Variants in LSAMP observed in about 807,000 individuals in gnomAD.
LSAMP encodes the protein limbic system-associated membrane protein.
A neutral mutation model predicts 38.6 loss-of-function variants in LSAMP; 7 were observed. That is an observed-to-expected ratio of 0.18 (90% confidence interval 0.10 to 0.34). The LOEUF is 0.34. Among genes scored for constraint, LSAMP ranks in the 10% least tolerant of loss-of-function variants. The pLI is 1.00. For missense variants in LSAMP, 313 were observed against 420.0 expected (o/e 0.75, Z 2.23); for synonymous variants, 154 against 166.8 (o/e 0.92, Z 0.59).
chr3:116,244,824 C>T (rs1576456507), intron 1 of LSAMP, among the ~76,000 whole-genome samples: 1 of 152,138 alleles, frequency 6.6e-6, no homozygotes, highest in Non-Finnish European at 1.5e-5. Context: ...CAGTCAGTAA[C>T]TGAATTTTGT....
At chr3:116,191,050 T>C (rs1330157470) in intron 1 of LSAMP, among the ~76,000 whole-genome samples, 1 of 152,152 alleles carries the variant, frequency 6.6e-6, no homozygotes, top group Non-Finnish European at 1.5e-5. Flanking sequence ...AAATTAGCTG[T>C]ATTGCTACTA....
chr3:116,187,773 A>G (rs1378384858), intron 1 of LSAMP, among the ~76,000 whole-genome samples: 1 of 152,114 alleles, frequency 6.6e-6, no homozygotes, highest in Non-Finnish European at 1.5e-5. Flanking sequence ...AGAAGGGATA[A>G]TCTTCCCTTT....
chr3:116,178,599 C>T (rs998082207), intron 1 of LSAMP, among the ~76,000 whole-genome samples: 1 of 152,004 alleles, frequency 6.6e-6, no homozygotes, highest in Non-Finnish European at 1.5e-5. Flanking sequence ...ACTATGAATG[C>T]TAAGAAGGAC....
intron 2 of LSAMP, among the ~76,000 whole-genome samples, chr3:116,075,697 C>T (rs1707726568): frequency 6.6e-6 from 1 of 151,696 alleles, no homozygotes; most frequent in Admixed American, 6.6e-5. Context: ...CACGCCACCA[C>T]ACCCGGCTAA....
intron 2 of LSAMP, among the ~76,000 whole-genome samples, chr3:116,073,146 C>T (rs536698729): frequency 7.2e-5 from 11 of 152,114 alleles, no homozygotes; most frequent in South Asian, 2.1e-4. Context: ...TCTCCTAGAA[C>T]GATTTATTAA....
At chr3:116,272,406 T>C (rs995565172) in intron 1 of LSAMP, among the ~76,000 whole-genome samples, 2 of 152,182 alleles carry the variant, frequency 1.3e-5, no homozygotes, top group African/African-American at 4.8e-5. Flanking sequence ...AAAGGCCATC[T>C]TATTGCACTT....
At chr3:115,920,554 T>A (rs2107522493) in intron 3 of LSAMP, among the ~76,000 whole-genome samples, 1 of 152,244 alleles carries the variant, frequency 6.6e-6, no homozygotes, top group African/African-American at 2.4e-5. Flanking sequence ...TTAGATCAGG[T>A]TTTTTGTTAT....
chr3:116,078,891 T>C (rs1484231516), intron 2 of LSAMP, among the ~76,000 whole-genome samples: 2 of 152,234 alleles, frequency 1.3e-5, no homozygotes, highest in Middle Eastern at 3.4e-3. Flanking sequence ...TTTTAGTGAA[T>C]AGTTATATTT....
At chr3:116,161,716 T>C (rs1709890883) in intron 1 of LSAMP, among the ~76,000 whole-genome samples, 1 of 152,102 alleles carries the variant, frequency 6.6e-6, no homozygotes, top group South Asian at 2.1e-4. Flanking sequence ...TGCCAATAAA[T>C]ATTCTAAATC....
At chr3:116,336,195 G>C (rs987698028) in intron 1 of LSAMP, among the ~76,000 whole-genome samples, 4 of 151,908 alleles carry the variant, frequency 2.6e-5, no homozygotes, top group African/African-American at 4.8e-5. Context: ...CACAACATTG[G>C]ATTTGGCAAT....
chr3:116,067,048 G>C (rs1278918321), intron 2 of LSAMP, among the ~76,000 whole-genome samples: 1 of 152,136 alleles, frequency 6.6e-6, no homozygotes, highest in Admixed American at 6.6e-5. Flanking sequence ...TAGCAGAGCA[G>C]TTCTTACCTT....
intron 1 of LSAMP, among the ~76,000 whole-genome samples, chr3:116,249,373 CTAG>C: frequency 7.3e-6 from 1 of 136,496 alleles, no homozygotes; most frequent in Middle Eastern, 3.8e-3. Context: ...GCTTTGGAGA[CTAG>C]TAGAAGATTC....
chr3:116,294,692 T>C (rs1432922003), intron 1 of LSAMP, among the ~76,000 whole-genome samples: 2 of 152,236 alleles, frequency 1.3e-5, no homozygotes, highest in African/African-American at 2.4e-5. Flanking sequence ...AGAAATGTTA[T>C]GAAGCTAAAA....
At chr3:116,185,566 G>T (rs933481360) in intron 1 of LSAMP, among the ~76,000 whole-genome samples, 2 of 151,966 alleles carry the variant, frequency 1.3e-5, no homozygotes, top group Non-Finnish European at 2.9e-5. Context: ...TGTACAAGAT[G>T]TCCCTTATGT....
At chr3:116,216,818 T>C (rs1366649949) in intron 1 of LSAMP, among the ~76,000 whole-genome samples, 1 of 152,218 alleles carries the variant, frequency 6.6e-6, no homozygotes, top group African/African-American at 2.4e-5. Flanking sequence ...GTTTCTGCTT[T>C]ACTTGATGGG....
chr3:116,037,087 G>A (rs1941064084), intron 2 of LSAMP, among the ~76,000 whole-genome samples: 1 of 152,100 alleles, frequency 6.6e-6, no homozygotes, highest in African/African-American at 2.4e-5. Context: ...CTCTGTATTA[G>A]TTTCCCTTAC....
intron 1 of LSAMP, among the ~76,000 whole-genome samples, chr3:116,097,193 C>G (rs1708242664): frequency 7.2e-6 from 1 of 139,274 alleles, no homozygotes; most frequent in Admixed American, 6.9e-5. Flanking sequence ...TTACAGATAC[C>G]AAAAGCATTG....
At chr3:116,179,920 T>C (rs924539350) in intron 1 of LSAMP, among the ~76,000 whole-genome samples, 1 of 152,188 alleles carries the variant, frequency 6.6e-6, no homozygotes, top group Non-Finnish European at 1.5e-5. Context: ...TTTTTAGTAG[T>C]TTTTGTTGTT....
At chr3:115,825,589 C>T (rs1278650337) in intron 6 of LSAMP, among the ~76,000 whole-genome samples, 1 of 152,234 alleles carries the variant, frequency 6.6e-6, no homozygotes, top group East Asian at 1.9e-4. Context: ...ACCTACCACA[C>T]AGTACATAAT....
Sources: allele counts gnomAD v4.1 joint callset (sites outside exome capture counted in the v4.1 genomes callset), GRCh38; gene constraint gnomAD v4.1.1; transcripts MANE v1.5; gene names NCBI Gene and HGNC (gene_info 2026-07-23, HGNC 2026-07-21).